CEP350: variants seen among roughly 807,000 people sequenced by gnomAD.
CEP350 encodes the protein centrosome-associated protein 350.
A neutral mutation model predicts 331.8 loss-of-function variants in CEP350; 126 were observed. The ratio of observed to expected loss-of-function variants is 0.38; its 90% CI spans 0.33 to 0.44. CEP350 has a LOEUF of 0.44. Among genes scored for constraint, CEP350 ranks in the 20% least tolerant of loss-of-function variants. The pLI is 1.00. For missense variants in CEP350, 3,406 were observed against 3,634.6 expected (o/e 0.94, Z 1.62); for synonymous variants, 1,200 against 1,259.5 (o/e 0.95, Z 1.00).
chr1:180,009,510 A>G (rs1224182937), intron 8 of CEP350, among the ~76,000 whole-genome samples: 1 of 152,216 alleles, frequency 6.6e-6, no homozygotes, highest in African/African-American at 2.4e-5. Flanking sequence ...TAAATATGCT[A>G]AAGCTGTATT....
chr1:179,999,134 A>G (rs1051494729), intron 6 of CEP350, among the ~76,000 whole-genome samples: 1 of 152,162 alleles, frequency 6.6e-6, no homozygotes, highest in African/African-American at 2.4e-5. Flanking sequence ...TATAGATTAC[A>G]TATTTAAGTT....
intron 3 of CEP350, among the ~76,000 whole-genome samples, chr1:179,989,344 A>ATGG (rs1652883468): frequency 1.3e-5 from 2 of 151,852 alleles, no homozygotes; most frequent in Admixed American, 1.3e-4. Flanking sequence ...TTAGCTGGGC[A>ATGG]TGGTGGTGTA....
intron 6 of CEP350, among the ~76,000 whole-genome samples, chr1:179,997,719 A>G (rs1037292077): frequency 6.6e-6 from 1 of 152,170 alleles, no homozygotes; most frequent in African/African-American, 2.4e-5. Context: ...ACTAAGTTAT[A>G]CAAATAATAA....
At chr1:179,976,839 G>A (rs934590435) in intron 1 of CEP350, among the ~76,000 whole-genome samples, 1 of 151,804 alleles carries the variant, frequency 6.6e-6, no homozygotes, top group African/African-American at 2.4e-5. Flanking sequence ...TTTTTCCCCC[G>A]TAAGGAAACT....
chr1:179,987,931 T>C (rs1009382693), intron 3 of CEP350, among the ~76,000 whole-genome samples: 10 of 151,988 alleles, frequency 6.6e-5, no homozygotes, highest in African/African-American at 2.4e-4. Context: ...CAAGACCCTG[T>C]CTCAATAATA....
At chr1:179,993,557 T>C (rs925265086) in intron 5 of CEP350, among the ~76,000 whole-genome samples, 6 of 152,102 alleles carry the variant, frequency 3.9e-5, no homozygotes, top group African/African-American at 1.4e-4. Flanking sequence ...TAGCTGAGGC[T>C]TACAGGCGCT....
chr1:180,086,446 C>T (rs143209010), intron 31 of CEP350, among the ~76,000 whole-genome samples: 280 of 152,040 alleles, frequency 1.8e-3, no homozygotes, highest in Non-Finnish European at 2.7e-3. Context: ...GAGTGCCATA[C>T]GATCCATCTC....
chr1:180,094,575 G>A lies in CEP350; in HGVS notation c.8470G>A (p.Glu2824Lys). The change falls in exon 34 of 38, where the codon GAA becomes AAA. Residue 2824 changes from glutamate (E) to lysine (K), a missense_variant. Coordinates refer to ENST00000367607, the MANE Select transcript of CEP350 (RefSeq NM_014810.5). The stretch of plus-strand genomic sequence containing the variant: ...CTTCTTAAGTTCTGAATTGGAAGAT[G>A]AAAAAGAAGAGATTTCCTCTCCAGA... ...GCFLSSELED[E>K]KEEISSPDMC... 1 of 1,613,388 alleles carries A rather than the reference G, an allele frequency of 6.2e-7. No individual in the cohort carries two copies. The highest frequency in any genetic ancestry group is 8.5e-7 in the Non-Finnish European group (1 of 1,179,704).
At chr1:179,965,615 C>CTTTTTTTTTTTTTTTTTTTTT (rs747027286) in intron 1 of CEP350, among the ~76,000 whole-genome samples, 11 of 84,418 alleles carry the variant, frequency 1.3e-4, no homozygotes, top group South Asian at 4.2e-4. Flanking sequence ...TTTTTCTTTT[C>CTTTTTTTTTTTTTTTTTTTTT]TTTTTTTTTT....
chr1:179,987,174 C>T (rs555719110), intron 2 of CEP350, 66 bp from the exon 3 acceptor site: 13 of 849,502 alleles, frequency 1.5e-5, no homozygotes, highest in Admixed American at 2.5e-5. Flanking sequence ...TATTAAAATT[C>T]AGATTCTGAG....
intron 7 of CEP350, among the ~76,000 whole-genome samples, chr1:180,004,523 C>T (rs1355683255): frequency 6.6e-6 from 1 of 152,184 alleles, no homozygotes; most frequent in Non-Finnish European, 1.5e-5. Context: ...TCTCCAGCTG[C>T]TGCCCTGTTT....
At chr1:180,102,693 G>A (rs891886077) in intron 37 of CEP350, among the ~76,000 whole-genome samples, 3 of 152,122 alleles carry the variant, frequency 2.0e-5, no homozygotes, top group African/African-American at 7.2e-5. Context: ...TCTACCTAAA[G>A]TACACACTTA....
intron 29 of CEP350, among the ~76,000 whole-genome samples, chr1:180,079,430 A>G (rs1338016352): frequency 6.6e-6 from 1 of 151,950 alleles, no homozygotes; most frequent in African/African-American, 2.4e-5. Flanking sequence ...TTGAAAAGTC[A>G]ATCAGGTTCA....
intron 31 of CEP350, among the ~76,000 whole-genome samples, chr1:180,086,095 G>C (rs933116441): frequency 2.0e-5 from 3 of 152,072 alleles, no homozygotes; most frequent in African/African-American, 7.2e-5. Context: ...ACAGAAAATA[G>C]GCCTGTTAAT....
chr1:179,984,385 C>T (rs1652501901), intron 1 of CEP350, among the ~76,000 whole-genome samples: 1 of 152,170 alleles, frequency 6.6e-6, no homozygotes, highest in South Asian at 2.1e-4. Flanking sequence ...GAGCTGTAGT[C>T]CTGTGAAGAT....
intron 14 of CEP350, among the ~76,000 whole-genome samples, chr1:180,026,986 G>C (rs1430061477): frequency 6.6e-6 from 1 of 152,164 alleles, no homozygotes; most frequent in East Asian, 1.9e-4. Flanking sequence ...AGAATTGCTA[G>C]ATCAAATGGT....
chr1:180,014,615 T>A, intron 10 of CEP350, 110 bp downstream of exon 10: 1 of 984,960 alleles, frequency 1.0e-6, no homozygotes, highest in Non-Finnish European at 1.4e-6. Flanking sequence ...ATAATACTTA[T>A]AATAATCATG....
chr1:180,093,630 C>G lies in CEP350; in HGVS notation c.7525C>G (p.Gln2509Glu). The G allele has an allele frequency of 6.2e-7, 1 of 1,613,870 alleles. No individual in the cohort carries two copies. Among genetic ancestry groups the G allele is most frequent in the South Asian group, 1.1e-5 (1 of 91,038 alleles). Residue 2509 changes from glutamine (Q) to glutamate (E), a missense_variant, in exon 34 of 38, where the codon CAG (glutamine) becomes GAG (glutamate). By Grantham distance (29) the Gln-to-Glu change is conservative (BLOSUM62 2). This residue lies in a region of CEP350 where 1,415 missense variants were observed against 1,512.3 expected (regional missense o/e 0.94). Transcript: ENST00000367607. ...IGDRVLIGNV[Q>E]PGILRFKGET... ...TGATAGGGTGTTGATTGGAAATGTT[C>G]AGCCAGGAATTCTTCGATTCAAAGG...
intron 4 of CEP350, among the ~76,000 whole-genome samples, chr1:179,991,440 C>A (rs1653058971): frequency 6.6e-6 from 1 of 150,790 alleles, no homozygotes; most frequent in African/African-American, 2.4e-5. Context: ...AGTAGCCGCG[C>A]CACCGGGCCT....
Sources: gnomAD v4.1 joint callset for allele counts (sites outside exome capture counted in the v4.1 genomes callset) on GRCh38, gnomAD v4.1.1 for gene constraint, gnomAD v4.1.1 regional missense constraint, MANE v1.5 for transcripts, NCBI Gene and HGNC (gene_info 2026-07-23, HGNC 2026-07-21) for gene names.